Variants in RORA observed in about 807,000 individuals in gnomAD.
RORA encodes the protein RAR related orphan receptor A.
Under a neutral mutation model 69.5 loss-of-function variants are expected in RORA, and 7 were observed. That is an observed-to-expected ratio of 0.10 (90% confidence interval 0.06 to 0.19). RORA has a LOEUF of 0.19. Among genes scored for constraint, RORA ranks in the 10% least tolerant of loss-of-function variants. The pLI is 1.00. For synonymous variants in RORA, 261 were observed against 240.8 expected, an observed-to-expected ratio of 1.08 and a Z score of -0.78; for missense variants, 457 against 663.0, an observed-to-expected ratio of 0.69 and a Z score of 3.41.
chr15:60,808,569 G>T (rs879344115), intron 1 of RORA, among the ~76,000 whole-genome samples: 3 of 151,762 alleles, frequency 2.0e-5, no homozygotes, highest in Non-Finnish European at 2.9e-5. Flanking sequence ...AGGTATCTAC[G>T]CAGAGGAAAA....
intron 1 of RORA, among the ~76,000 whole-genome samples, chr15:61,118,317 A>C (rs1193076456): frequency 1.3e-5 from 2 of 152,164 alleles, no homozygotes; most frequent in African/African-American, 4.8e-5. Flanking sequence ...TCGTAAGATA[A>C]AGCCCGGTAA....
intron 2 of RORA, among the ~76,000 whole-genome samples, chr15:60,635,291 C>A (rs1035789430): frequency 6.6e-6 from 1 of 152,054 alleles, no homozygotes. Context: ...GAATGTTAAA[C>A]CTTAGGGTGA....
chr15:61,119,970 T>G, intron 1 of RORA, among the ~76,000 whole-genome samples: 1 of 152,128 alleles, frequency 6.6e-6, no homozygotes, highest in African/African-American at 2.4e-5. Context: ...GGGAGGAGTT[T>G]TGTGAAACAG....
chr15:60,834,503 GA>G (rs2073089582), intron 1 of RORA, among the ~76,000 whole-genome samples: 1 of 152,216 alleles, frequency 6.6e-6, no homozygotes. Context: ...AAGCTGCAAA[GA>G]GAGTTGCTAT....
At chr15:60,692,784 G>A (rs2070847872) in intron 1 of RORA, among the ~76,000 whole-genome samples, 3 of 152,216 alleles carry the variant, frequency 2.0e-5, no homozygotes, top group South Asian at 4.2e-4. Context: ...TTAAAAAGAG[G>A]TTCAATCTCT....
At chr15:60,518,684 A>G (rs891361908) in intron 3 of RORA, among the ~76,000 whole-genome samples, 5 of 152,196 alleles carry the variant, frequency 3.3e-5, no homozygotes, top group Non-Finnish European at 5.9e-5. Context: ...CGCCGTCTGT[A>G]ATGATTCAGA....
At chr15:61,203,600 C>T (rs1165893575) in intron 1 of RORA, among the ~76,000 whole-genome samples, 1 of 152,010 alleles carries the variant, frequency 6.6e-6, no homozygotes, top group East Asian at 1.9e-4. Flanking sequence ...GAGTAGATCA[C>T]TCATATATCC....
chr15:60,773,175 A>G (rs1020322459), intron 1 of RORA, among the ~76,000 whole-genome samples: 1 of 152,226 alleles, frequency 6.6e-6, no homozygotes, highest in Non-Finnish European at 1.5e-5. Context: ...TGACAAGTCT[A>G]TGAAAACTGG....
chr15:60,492,723 C>T lies in RORA; in HGVS notation c.*4732G>A, dbSNP rs1381329390. 3 of 151,984 alleles carry T rather than the reference C, an allele frequency of 2.0e-5. No individual in the cohort carries two copies. In the East Asian group the frequency reaches 5.8e-4, roughly 29 times the overall value. The allele number at this position is 151,984 out of a possible 1,614,324, so 9.4% of individuals were successfully genotyped here. On this transcript the variant is annotated 3_prime_UTR_variant, in exon 11 of 11. Coordinates refer to ENST00000335670, the MANE Select transcript of RORA (RefSeq NM_134261.3). ...ACTATACTTTGAATGATGCTCTTTGCTGGTACATTATTAATTTATCTTTTG... is the reference window on the plus strand; with the variant it reads ...ACTATACTTTGAATGATGCTCTTTGTTGGTACATTATTAATTTATCTTTTG...
At chr15:61,154,384 T>C (rs974227221) in intron 1 of RORA, among the ~76,000 whole-genome samples, 7 of 152,106 alleles carry the variant, frequency 4.6e-5, no homozygotes, top group South Asian at 2.1e-4. Flanking sequence ...CTCAGAGCCA[T>C]AAGCCTTTCT....
At chr15:60,644,028 C>G (rs993717935) in intron 2 of RORA, among the ~76,000 whole-genome samples, 4 of 151,746 alleles carry the variant, frequency 2.6e-5, no homozygotes, top group Non-Finnish European at 5.9e-5. Context: ...TAGAATAGCA[C>G]AGGAAGCCAC....
chr15:61,212,386 G>T (rs550017175), intron 1 of RORA, among the ~76,000 whole-genome samples: 3 of 152,092 alleles, frequency 2.0e-5, no homozygotes, highest in Admixed American at 6.6e-5. Flanking sequence ...GCTTACAAAC[G>T]TTCTGACTTT....
intron 1 of RORA, among the ~76,000 whole-genome samples, chr15:61,051,774 A>G (rs1166142511): frequency 6.6e-6 from 1 of 152,202 alleles, no homozygotes; most frequent in Non-Finnish European, 1.5e-5. Flanking sequence ...CTGGGCTTCA[A>G]AACATTTCTT....
chr15:60,627,958 ATTAT>A (rs1371860485), intron 2 of RORA, among the ~76,000 whole-genome samples: 1 of 152,148 alleles, frequency 6.6e-6, no homozygotes, highest in African/African-American at 2.4e-5. Flanking sequence ...ACATGTCTTA[ATTAT>A]TTATTTATTT....
At position 60,841,830 on chromosome 15, in the gene RORA, C is replaced by T. The variant is rs560076248; in HGVS notation, c.167-163144G>A. 1.9e-4 allele frequency among the ~76,000 whole-genome samples: 29 copies of T among 152,268 alleles called. No homozygotes were observed. The East Asian group carries it at 5.2e-3, about 27-fold the overall frequency. ...CACTTGTGAGGAAAGTAGAAACCAT[C>T]CACTGTATCTGGTGTAAAACAGCCT... On this transcript the variant is annotated intron_variant, in intron 1 of 10. Transcript: ENST00000335670.
chr15:60,505,557 A>C lies in RORA; in HGVS notation c.893T>G (p.Ile298Arg). Residue 298 changes from isoleucine (I) to arginine (R), a missense_variant, in exon 6 of 11, where the codon ATA becomes AGA. Transcript: ENST00000335670. Reference protein sequence around the residue: ...CQYLREELQQITWQTFLQEEI... With the variant: ...CQYLREELQQRTWQTFLQEEI... Reference sequence around the variant, plus strand: ...TTCCTGTAAAAAGGTCTGCCACGTTATCTGCTGGAGCTCTTCTCTCAAGTA... The same window carrying C: ...TTCCTGTAAAAAGGTCTGCCACGTTCTCTGCTGGAGCTCTTCTCTCAAGTA... The C allele has an allele frequency of 6.2e-7, 1 of 1,613,932 alleles. No homozygotes were observed. The highest frequency in any genetic ancestry group is 1.1e-5 in the South Asian group (1 of 91,070).
intron 1 of RORA, among the ~76,000 whole-genome samples, chr15:61,210,928 C>CA (rs1327220858): frequency 2.0e-5 from 3 of 152,228 alleles, no homozygotes; most frequent in African/African-American, 7.2e-5. Flanking sequence ...CCTCAGCTGT[C>CA]GCTGGAGCTC....
chr15:61,076,751 T>G (rs2078455450), intron 1 of RORA, among the ~76,000 whole-genome samples: 1 of 152,174 alleles, frequency 6.6e-6, no homozygotes, highest in South Asian at 2.1e-4. Flanking sequence ...TAATGGCATG[T>G]GAGTCCTTGA....
intron 1 of RORA, among the ~76,000 whole-genome samples, chr15:61,191,719 C>T (rs1459836176): frequency 2.0e-5 from 3 of 152,178 alleles, no homozygotes; most frequent in Non-Finnish European, 4.4e-5. Context: ...ACATAGTAAT[C>T]CAAGGACAAC....
Sources: gnomAD v4.1 joint callset for allele counts (sites outside exome capture counted in the v4.1 genomes callset) on GRCh38, gnomAD v4.1.1 for gene constraint, MANE v1.5 for transcripts, NCBI Gene and HGNC (gene_info 2026-07-23, HGNC 2026-07-21) for gene names.